Variants in USH2A observed in about 807,000 individuals in gnomAD.
USH2A encodes the protein Usher syndrome 2A (autosomal recessive, mild).
USH2A carries 443 observed loss-of-function variants against 538.9 expected under a neutral mutation model. The ratio of observed to expected loss-of-function variants is 0.82; its 90% CI spans 0.76 to 0.89. USH2A has a LOEUF of 0.89. Ranked by LOEUF, USH2A falls within the 40% of genes least tolerant of loss-of-function variation. The probability of loss-of-function intolerance (pLI) is 0.00; values close to 1 mark genes in which losing one functional copy is unlikely to be tolerated. For missense variants in USH2A, 6,633 were observed against 6,324.8 expected, an observed-to-expected ratio of 1.05 and a Z score of -1.65; for synonymous variants, 2,413 against 2,273.5, an observed-to-expected ratio of 1.06 and a Z score of -1.75.
At chr1:215,752,400 A>G (rs1660648984) in intron 58 of USH2A, among the ~76,000 whole-genome samples, 1 of 152,184 alleles carries the variant, frequency 6.6e-6, no homozygotes. Flanking sequence ...ACATTTATCA[A>G]GAAAGAATAA....
At position 215,986,161 on chromosome 1, in the gene USH2A, C is replaced by T. The variant is rs147591219; in HGVS notation, c.6805+6859G>A. On this transcript the variant is annotated intron_variant, in intron 35 of 71. Transcript: ENST00000307340. Reference sequence around the variant, plus strand: ...TTTAGACGTGGTCTCACTCTGTCACCCAGGCTGAAGTGCAGTGTCACAATT... The same window carrying T: ...TTTAGACGTGGTCTCACTCTGTCACTCAGGCTGAAGTGCAGTGTCACAATT... Among the ~76,000 whole-genome samples the T allele has an allele frequency of 2.8e-3, 424 of 152,158 alleles. 1 individual carries two copies. Among genetic ancestry groups the T allele is most frequent in the African/African-American group, 9.4e-3 (390 of 41,518 alleles).
At chr1:215,899,516 T>C (rs903613178) in intron 40 of USH2A, among the ~76,000 whole-genome samples, 12 of 152,342 alleles carry the variant, frequency 7.9e-5, no homozygotes, top group Admixed American at 7.8e-4. Context: ...AATAACTTTT[T>C]AGTGAACAAC....
chr1:216,196,855 C>T, intron 18 of USH2A, 133 bp from the exon 19 acceptor site: 2 of 1,064,144 alleles, frequency 1.9e-6, no homozygotes, highest in Non-Finnish European at 1.4e-6. Flanking sequence ...TGAAAAAGTC[C>T]AAGAATATGC....
chr1:215,878,947 G>A lies in USH2A; in HGVS notation c.8375C>T (p.Thr2792Ile). 2.5e-6 allele frequency: 4 copies of A among 1,614,088 alleles called. No individual in the cohort carries two copies. The highest frequency in any genetic ancestry group is 3.4e-6 in the Non-Finnish European group (4 of 1,179,994). Residue 2792 changes from threonine to isoleucine, a missense_variant, in exon 42 of 72, where the codon ACC (threonine) becomes ATC (isoleucine). Thr to Ile is a moderately conservative substitution (Grantham distance 89, BLOSUM62 -1). Coordinates refer to ENST00000307340, the MANE Select transcript of USH2A (RefSeq NM_206933.4). ...HLIPFTNYSV[T>I]IVACSGGNGY... The stretch of plus-strand genomic sequence containing the variant: ...ATTACCCCCTGAGCAAGCAACAATG[G>A]TGACAGAATAATTAGTGAAAGGAAT...
At chr1:215,970,881 T>A in intron 35 of USH2A, 105 bp from the exon 36 acceptor site, 1 of 1,138,936 alleles carries the variant, frequency 8.8e-7, no homozygotes, top group Non-Finnish European at 1.3e-6. Context: ...ATGGAATCAT[T>A]AAATCACAGA....
intron 47 of USH2A, among the ~76,000 whole-genome samples, chr1:215,826,304 C>T (rs1264566395): frequency 1.3e-5 from 2 of 152,204 alleles, no homozygotes; most frequent in African/African-American, 4.8e-5. Flanking sequence ...TAAAGGGCAA[C>T]ACTCGTGTGA....
chr1:216,241,371 T>G (rs1402767208), intron 13 of USH2A, among the ~76,000 whole-genome samples: 2 of 152,212 alleles, frequency 1.3e-5, no homozygotes, highest in Admixed American at 1.3e-4. Context: ...TTATTTGGTT[T>G]TTTAAATTAT....
intron 4 of USH2A, among the ~76,000 whole-genome samples, chr1:216,353,302 C>G (rs1045664827): frequency 5.3e-5 from 8 of 151,744 alleles, no homozygotes; most frequent in Non-Finnish European, 1.2e-4. Context: ...AAAAGAAACA[C>G]AAGAGATGCA....
At chr1:215,713,037 C>T (rs1041404479) in intron 61 of USH2A, among the ~76,000 whole-genome samples, 1 of 152,104 alleles carries the variant, frequency 6.6e-6, no homozygotes, top group Non-Finnish European at 1.5e-5. Flanking sequence ...AAACTCCCGA[C>T]CTCAGGTGAT....
intron 49 of USH2A, among the ~76,000 whole-genome samples, chr1:215,807,696 G>A (rs12135237): frequency 0.034 from 5,174 of 152,126 alleles, 99 homozygotes; most frequent in African/African-American, 0.05. Flanking sequence ...AGGATCCTTT[G>A]TTTCATAGGA....
chr1:215,640,734 A>G lies in USH2A; in HGVS notation c.14792T>C (p.Leu4931Ser), dbSNP rs1461313296. Reference sequence around the variant, plus strand: ...CGAAAATGGGGCTCGGTACTGAGGCACTGTGGGGAGAAAGTTGTATGTTCT... The same window carrying G: ...CGAAAATGGGGCTCGGTACTGAGGCGCTGTGGGGAGAAAGTTGTATGTTCT... ...EWISFTTQKE[L>S]PQYRAPFSVD... The change falls in exon 68 of 72, where the codon TTG becomes TCG. Residue 4931 changes from leucine (L) to serine (S), a missense_variant and splice_region_variant. Leu to Ser is a moderately radical substitution (Grantham distance 145, BLOSUM62 -2). Coordinates refer to ENST00000307340, the MANE Select transcript of USH2A (RefSeq NM_206933.4). 6.2e-7 allele frequency: 1 copy of G among 1,613,310 alleles called. No homozygotes were observed. Among genetic ancestry groups the G allele is most frequent in the Non-Finnish European group, 8.5e-7 (1 of 1,179,840 alleles).
intron 44 of USH2A, among the ~76,000 whole-genome samples, chr1:215,846,551 C>A (rs1663852539): frequency 6.6e-6 from 1 of 152,072 alleles, no homozygotes; most frequent in Admixed American, 6.6e-5. Context: ...TTTTCCCAAT[C>A]TCATAATTAA....
intron 55 of USH2A, 106 bp downstream of exon 55, chr1:215,779,737 T>C: frequency 3.7e-6 from 5 of 1,364,150 alleles, no homozygotes; most frequent in Non-Finnish European, 5.1e-6. Flanking sequence ...AACACGTCCT[T>C]TCGAAGTGAC....
intron 30 of USH2A, among the ~76,000 whole-genome samples, chr1:216,050,771 A>AT (rs1168735010): frequency 2.0e-5 from 3 of 149,970 alleles, no homozygotes; most frequent in Non-Finnish European, 4.4e-5. Flanking sequence ...CGCCCGGCTA[A>AT]TTTTTTTGTA....
chr1:216,178,217 C>A (rs1450886704), intron 20 of USH2A, among the ~76,000 whole-genome samples: 1 of 152,094 alleles, frequency 6.6e-6, no homozygotes, highest in African/African-American at 2.4e-5. Flanking sequence ...GGATAATTAA[C>A]AATTCTGGTT....
At chr1:215,991,441 T>C (rs1668002920) in intron 35 of USH2A, among the ~76,000 whole-genome samples, 1 of 151,852 alleles carries the variant, frequency 6.6e-6, no homozygotes, top group Non-Finnish European at 1.5e-5. Flanking sequence ...AGCTAAAAAA[T>C]TGGGGGAAAG....
intron 50 of USH2A, among the ~76,000 whole-genome samples, chr1:215,795,861 G>A (rs1030253485): frequency 2.0e-5 from 3 of 152,092 alleles, no homozygotes; most frequent in African/African-American, 4.8e-5. Flanking sequence ...AATTATTGAG[G>A]ACCCCAAATA....
At chr1:216,123,880 ACC>A (rs2033187716) in intron 21 of USH2A, among the ~76,000 whole-genome samples, 1 of 152,132 alleles carries the variant, frequency 6.6e-6, no homozygotes, top group Non-Finnish European at 1.5e-5. Context: ...ACTGAATAGA[ACC>A]TAGTCATACA....
At chr1:215,999,884 T>C (rs1478346939) in intron 33 of USH2A, among the ~76,000 whole-genome samples, 1 of 152,066 alleles carries the variant, frequency 6.6e-6, no homozygotes, top group Non-Finnish European at 1.5e-5. Flanking sequence ...TATGAACAAG[T>C]ATTAACTCTT....
Sources: gnomAD v4.1 joint callset for allele counts (sites outside exome capture counted in the v4.1 genomes callset) on GRCh38, gnomAD v4.1.1 for gene constraint, MANE v1.5 for transcripts, NCBI Gene and HGNC (gene_info 2026-07-23, HGNC 2026-07-21) for gene names.